CRB1: variants seen among roughly 807,000 people sequenced by gnomAD.
The protein encoded by CRB1 is crumbs cell polarity complex component 1.
Under a neutral mutation model 120.0 loss-of-function variants are expected in CRB1, and 83 were observed. That is an observed-to-expected ratio of 0.69 (90% CI 0.58 to 0.83). CRB1 has a LOEUF of 0.83. CRB1 is among the 40% of genes least tolerant of loss of function. The probability of loss-of-function intolerance (pLI) is 0.00; values close to 1 mark genes in which losing one functional copy is unlikely to be tolerated. For missense variants in CRB1, 1,699 were observed against 1,687.6 expected (o/e 1.01, Z -0.12); for synonymous variants, 625 against 612.5 (o/e 1.02, Z -0.30).
chr1:197,212,047 A>G, the CRB1 span, among the ~76,000 whole-genome samples: 494 of 152,278 alleles, frequency 3.2e-3, 1 homozygote, highest in African/African-American at 0.011. Context: ...TTGCATTTTA[A>G]GGAAGATGCA....
At chr1:197,219,750 T>C in the CRB1 span, among the ~76,000 whole-genome samples, 2 of 152,258 alleles carry the variant, frequency 1.3e-5, no homozygotes, top group African/African-American at 4.8e-5. Flanking sequence ...TGATCTAAAC[T>C]GCACTTACCT....
rs1353122520 is a variant in CRB1, at chr1:197,457,330, A to T, written c.4005+15038A>T. Among the ~76,000 whole-genome samples, 5 of 152,114 alleles carry T rather than the reference A, an allele frequency of 3.3e-5. No individual in the cohort carries two copies. In the East Asian group the frequency reaches 9.6e-4, roughly 29 times the overall value. ...TATTATTCACAAAATCCCAAGAGTT[A>T]AGTAATATTATTTTCCTCATTTTAT... On this transcript the variant is annotated intron_variant, in intron 11 of 11. Transcript: ENST00000367400.
chr1:197,250,019 C>T, the CRB1 span, among the ~76,000 whole-genome samples: 2 of 151,966 alleles, frequency 1.3e-5, no homozygotes, highest in African/African-American at 4.8e-5. Flanking sequence ...TCTCTTTTGC[C>T]ATATAGATTT....
rs1345972303 is a variant in CRB1, at chr1:197,399,478, T to C, written c.1172-21522T>C. ...ACTCTGCTAGCCATAGTCTGTGTGCTTGGTTAAATCGTTCAATCTCTTTGA... is the reference window on the plus strand; with the variant it reads ...ACTCTGCTAGCCATAGTCTGTGTGCCTGGTTAAATCGTTCAATCTCTTTGA... On this transcript the variant is annotated intron_variant, in intron 5 of 11. Coordinates refer to ENST00000367400, the MANE Select transcript of CRB1 (RefSeq NM_201253.3). 2.6e-5 allele frequency among the ~76,000 whole-genome samples: 4 copies of C among 152,310 alleles called. No individual in the cohort carries two copies. The South Asian group carries it at 8.3e-4, about 32-fold the overall frequency.
intron 10 of CRB1, chr1:197,440,314 A>G (rs147513629): frequency 1.3e-5 from 2 of 152,316 alleles, no homozygotes; most frequent in East Asian, 3.9e-4. Context: ...GATATTTATT[A>G]GTTTACAAAA....
At chr1:197,374,869 AT>A (rs2125389187) in intron 5 of CRB1, among the ~76,000 whole-genome samples, 1 of 152,196 alleles carries the variant, frequency 6.6e-6, no homozygotes, top group East Asian at 1.9e-4. Flanking sequence ...TTGCTGCCCT[AT>A]TGTCATAATA....
chr1:197,298,701 T>G (rs571810194), intron 1 of CRB1, among the ~76,000 whole-genome samples: 2 of 152,112 alleles, frequency 1.3e-5, no homozygotes, highest in Admixed American at 1.3e-4. Context: ...GGTAAATATA[T>G]AAAACAAAGA....
intron 1 of CRB1, among the ~76,000 whole-genome samples, chr1:197,296,525 G>C (rs1036029249): frequency 6.6e-6 from 1 of 151,932 alleles, no homozygotes; most frequent in Non-Finnish European, 1.5e-5. Context: ...TGTATCTCCA[G>C]GTAAGAAGAG....
At chr1:197,238,343 G>T in the CRB1 span, among the ~76,000 whole-genome samples, 1 of 151,876 alleles carries the variant, frequency 6.6e-6, no homozygotes, top group Non-Finnish European at 1.5e-5. Context: ...TTAATCAATT[G>T]ATATTTCTAT....
Position 197,311,698 on chromosome 1 carries a change from A to AGTGTGTGT in CRB1, c.71-16683_71-16676dup, listed in dbSNP as rs57455433. Among the ~76,000 whole-genome samples, 837 of 138,974 alleles carry AGTGTGTGT rather than the reference A, an allele frequency of 6.0e-3. 5 individuals carry two copies. The highest frequency in any genetic ancestry group is 6.9e-3 in the Non-Finnish European group (442 of 64,110). The allele number at this position is 138,974 out of a possible 152,430, so 91.2% of individuals were successfully genotyped here. ...AACACATGCATCACCTCATATAGTT[A>AGTGTGTGT]GTGTGTGTGTGTGTGTGTGTGTGTG... On this transcript the variant is annotated intron_variant, in intron 1 of 11. Coordinates refer to ENST00000367400, the MANE Select transcript of CRB1 (RefSeq NM_201253.3).
intron 5 of CRB1, among the ~76,000 whole-genome samples, chr1:197,418,433 C>G (rs762879435): frequency 6.6e-6 from 1 of 152,176 alleles, no homozygotes; most frequent in Admixed American, 6.5e-5. Context: ...ACCCTTAGCA[C>G]TGTACAGGTG....
the CRB1 span, among the ~76,000 whole-genome samples, chr1:197,209,762 C>T: frequency 1.3e-5 from 2 of 152,196 alleles, no homozygotes; most frequent in East Asian, 1.9e-4. Context: ...CTTCTTGCTG[C>T]GTCTTCTACT....
chr1:197,394,623 T>A (rs1662681299), intron 5 of CRB1, among the ~76,000 whole-genome samples: 1 of 152,020 alleles, frequency 6.6e-6, no homozygotes, highest in Non-Finnish European at 1.5e-5. Context: ...TGATACAAAT[T>A]TAAATTATAT....
chr1:197,299,411 C>T (rs775173779), intron 1 of CRB1, among the ~76,000 whole-genome samples: 1 of 152,004 alleles, frequency 6.6e-6, no homozygotes, highest in Non-Finnish European at 1.5e-5. Context: ...ATGCATGTAT[C>T]CATTGGCATA....
intron 2 of CRB1, among the ~76,000 whole-genome samples, chr1:197,335,440 A>T (rs1320930526): frequency 6.6e-6 from 1 of 152,196 alleles, no homozygotes; most frequent in Non-Finnish European, 1.5e-5. Context: ...AGTCCAAGAA[A>T]ATCCACTCCT....
At chr1:197,304,855 T>C (rs1571804216) in intron 1 of CRB1, among the ~76,000 whole-genome samples, 1 of 152,194 alleles carries the variant, frequency 6.6e-6, no homozygotes, top group Non-Finnish European at 1.5e-5. Flanking sequence ...TTCACTTGCT[T>C]TGTGAATGTT....
At chr1:197,373,917 T>C (rs555214207) in intron 5 of CRB1, among the ~76,000 whole-genome samples, 9 of 152,190 alleles carry the variant, frequency 5.9e-5, no homozygotes, top group Admixed American at 5.9e-4. Context: ...AGCAAAATAA[T>C]CTAAAAATAT....
At chr1:197,230,999 G>T in the CRB1 span, among the ~76,000 whole-genome samples, 1 of 152,084 alleles carries the variant, frequency 6.6e-6, no homozygotes, top group African/African-American at 2.4e-5. Flanking sequence ...ACAGTGTTTT[G>T]CAAACTATTA....
intron 2 of CRB1, among the ~76,000 whole-genome samples, chr1:197,343,391 T>C (rs936312912): frequency 2.0e-5 from 3 of 152,204 alleles, no homozygotes; most frequent in Non-Finnish European, 4.4e-5. Flanking sequence ...TAAAATAGTT[T>C]GTTATTTAAA....
Sources: allele counts gnomAD v4.1 joint callset (sites outside exome capture counted in the v4.1 genomes callset), GRCh38; gene constraint gnomAD v4.1.1; transcripts MANE v1.5; gene names NCBI Gene and HGNC (gene_info 2026-07-23, HGNC 2026-07-21).